ZC3HC1: variants seen among roughly 807,000 people sequenced by gnomAD.
ZC3HC1 encodes the protein zinc finger C3HC-type containing 1.
In ZC3HC1, 38 loss-of-function variants were observed where a neutral mutation model predicts 61.9. The ratio of observed to expected loss-of-function variants is 0.61; its 90% CI spans 0.47 to 0.81. The LOEUF (loss-of-function observed/expected upper bound fraction) is 0.81, where lower values mean the gene tolerates loss of function less well. Among genes scored for constraint, ZC3HC1 ranks in the 30% least tolerant of loss-of-function variants. The probability of loss-of-function intolerance (pLI) is 0.00; values close to 1 mark genes in which losing one functional copy is unlikely to be tolerated. For synonymous variants in ZC3HC1, 213 were observed against 229.9 expected (o/e 0.93, Z 0.67); for missense variants, 554 against 622.7 (o/e 0.89, Z 1.17).
At chr7:130,041,158 G>GTT in intron 2 of ZC3HC1, 57 bp from the exon 3 acceptor site, 1 of 1,470,908 alleles carries the variant, frequency 6.8e-7, no homozygotes, top group Non-Finnish European at 9.2e-7. Context: ...GTGTGTATGT[G>GTT]TGTGTGTGTG....
chr7:130,026,313 C>T lies in ZC3HC1; in HGVS notation c.622-1G>A, dbSNP rs780269931. On this transcript the variant is annotated splice_acceptor_variant, in intron 5 of 9. Transcript: ENST00000358303. LOFTEE classifies it high-confidence loss of function. Reference sequence around the variant, plus strand: ...GACTGATCTTGTCTTCTGTCAAGCACTACAAGGGAGCCAAGTAAAAAACTT... The same window carrying T: ...GACTGATCTTGTCTTCTGTCAAGCATTACAAGGGAGCCAAGTAAAAAACTT... 8.7e-6 allele frequency: 14 copies of T among 1,602,750 alleles called. No individual in the cohort carries two copies. The highest frequency in any genetic ancestry group is 1.2e-5 in the Non-Finnish European group (14 of 1,172,500).
At chr7:130,039,773 G>T (rs1456314339) in intron 3 of ZC3HC1, 12 of 434,230 alleles carry the variant, frequency 2.8e-5, no homozygotes, top group Non-Finnish European at 4.4e-5. Context: ...TTATTTTTTT[G>T]AGACAGAGTC....
chr7:130,048,240 C>T (rs1410859058), intron 2 of ZC3HC1, among the ~76,000 whole-genome samples: 1 of 151,270 alleles, frequency 6.6e-6, no homozygotes, highest in African/African-American at 2.4e-5. Flanking sequence ...AACTCTGCCT[C>T]CTAGGTTCAA....
At chr7:130,030,712 G>A (rs893156465) in intron 4 of ZC3HC1, among the ~76,000 whole-genome samples, 1 of 150,642 alleles carries the variant, frequency 6.6e-6, no homozygotes, top group East Asian at 2.0e-4. Flanking sequence ...CTGTTGCCCA[G>A]GCTGGAGTGC....
chr7:130,024,537 A>G (rs1025121150), intron 6 of ZC3HC1, 31 bp from the exon 7 acceptor site: 4 of 1,579,558 alleles, frequency 2.5e-6, no homozygotes, highest in Middle Eastern at 1.7e-4. Context: ...GAGTTTTCTC[A>G]AAGTGTAACA....
Position 130,041,065 on chromosome 7 carries a change from G to A in ZC3HC1, c.295C>T (p.Pro99Ser). ...KWAGKPFELS[P>S]LVCAKYGWVT... is the part of the protein sequence containing the mutation. ...CAGCCATATTTTGCACAGACGAGTGGAGACAGCTCAAAGGGCTTACCTGCC... is the reference window on the plus strand; with the variant it reads ...CAGCCATATTTTGCACAGACGAGTGAAGACAGCTCAAAGGGCTTACCTGCC... The change falls in exon 3 of 10, where the codon CCA (proline) becomes TCA (serine). Residue 99 changes from proline to serine, a missense_variant. Physicochemically the swap from Pro to Ser is moderately conservative, Grantham distance 74. Coordinates refer to ENST00000358303, the MANE Select transcript of ZC3HC1 (RefSeq NM_016478.5). The A allele has an allele frequency of 6.2e-7, 1 of 1,613,850 alleles. No individual in the cohort carries two copies.
At chr7:130,025,407 G>C (rs1425167330) in intron 6 of ZC3HC1, among the ~76,000 whole-genome samples, 2 of 151,502 alleles carry the variant, frequency 1.3e-5, no homozygotes, top group Non-Finnish European at 2.9e-5. Context: ...TAGCAACATG[G>C]GGGCCTAGAA....
chr7:130,032,757 G>GGGGAAGGGAAGGAGGGAAGGGAAGGA (rs142780013), intron 4 of ZC3HC1, among the ~76,000 whole-genome samples: 3,268 of 59,268 alleles, frequency 0.055, 260 homozygotes, highest in African/African-American at 0.096. Flanking sequence ...GAGGGGAAGG[G>GGGGAAGGGAAGGAGGGAAGGGAAGGA]GGGAAGGGAA....
chr7:130,043,625 T>C (rs1275423684), intron 2 of ZC3HC1: 2 of 216,766 alleles, frequency 9.2e-6, no homozygotes, highest in Admixed American at 5.4e-5. Flanking sequence ...ATGGTTAAAA[T>C]ACCTTCCCTT....
chr7:130,034,505 AAAAAAAAG>A (rs1392846228), intron 4 of ZC3HC1, among the ~76,000 whole-genome samples: 9 of 148,296 alleles, frequency 6.1e-5, no homozygotes, highest in African/African-American at 2.0e-4. Flanking sequence ...AAAAAAAAAA[AAAAAAAAG>A]AGACAGGGTC....
intron 2 of ZC3HC1, chr7:130,045,594 C>A: frequency 2.2e-6 from 1 of 452,102 alleles, no homozygotes. Context: ...TCATTTGCTG[C>A]ACTTTCCTTT....
Position 130,030,391 on chromosome 7 carries a change from G to C in ZC3HC1, c.494-1362C>G, listed in dbSNP as rs886628074. On this transcript the variant is annotated intron_variant, in intron 4 of 9. Transcript: ENST00000358303. ...ATTTTTCTATTTTTAATAAAGACAG[G>C]GTTTCATCATGTTGGCCAGGCTGAT... Among the ~76,000 whole-genome samples the C allele has an allele frequency of 4.7e-4, 71 of 151,980 alleles. 1 individual carries two copies. The highest frequency in any genetic ancestry group is 1.7e-3 in the African/African-American group (69 of 41,468).
intron 4 of ZC3HC1, among the ~76,000 whole-genome samples, chr7:130,029,330 G>A (rs533810731): frequency 9.9e-5 from 15 of 152,120 alleles, no homozygotes; most frequent in Admixed American, 3.9e-4. Context: ...GGCTGAGATC[G>A]TGCCACTGTG....
upstream of ZC3HC1, chr7:130,051,380 C>T (rs747289773): frequency 4.3e-6 from 7 of 1,612,140 alleles, no homozygotes; most frequent in Admixed American, 1.0e-4. Flanking sequence ...GGTCCGCTGC[C>T]GAGTTGCTTC....
intron 1 of ZC3HC1, among the ~76,000 whole-genome samples, chr7:130,050,803 T>C (rs989687211): frequency 1.3e-5 from 2 of 152,246 alleles, no homozygotes; most frequent in Non-Finnish European, 2.9e-5. Context: ...ACCATCTTGA[T>C]AACTACATTC....
chr7:130,025,607 G>A (rs1203445476), intron 6 of ZC3HC1, among the ~76,000 whole-genome samples: 2 of 151,796 alleles, frequency 1.3e-5, no homozygotes, highest in Non-Finnish European at 2.9e-5. Context: ...GGTGGCTCAC[G>A]CCTGTAATCC....
chr7:130,027,482 AC>A (rs1793968665), intron 5 of ZC3HC1: 1 of 152,232 alleles, frequency 6.6e-6, no homozygotes, highest in African/African-American at 2.4e-5. Flanking sequence ...ATTAAATGGA[AC>A]AGTAAATATT....
intron 4 of ZC3HC1, among the ~76,000 whole-genome samples, chr7:130,034,621 A>G (rs2116721805): frequency 6.6e-6 from 1 of 151,888 alleles, no homozygotes; most frequent in African/African-American, 2.4e-5. Flanking sequence ...CAACCTCACG[A>G]GTAGCTTAGG....
intron 2 of ZC3HC1, among the ~76,000 whole-genome samples, chr7:130,048,782 T>C (rs996013314): frequency 6.6e-6 from 1 of 152,186 alleles, no homozygotes; most frequent in Non-Finnish European, 1.5e-5. Context: ...TACAAAAACA[T>C]ACTATATACA....
Sources: gnomAD v4.1 joint callset for allele counts (sites outside exome capture counted in the v4.1 genomes callset) on GRCh38, gnomAD v4.1.1 for gene constraint, MANE v1.5 for transcripts, NCBI Gene and HGNC (gene_info 2026-07-23, HGNC 2026-07-21) for gene names.